The following IL1RAPL1 variants were observed in gnomAD, a reference collection of about 807,000 sequenced individuals.
IL1RAPL1 encodes interleukin-1 receptor accessory protein-like 1.
IL1RAPL1 carries 3 observed loss-of-function variants against 48.4 expected under a neutral mutation model. The ratio of observed to expected loss-of-function variants is 0.06; its 90% confidence interval spans 0.03 to 0.16. The LOEUF is 0.16. Among genes scored for constraint, IL1RAPL1 ranks in the 10% least tolerant of loss-of-function variants. The probability of loss-of-function intolerance (pLI) is 1.00; values close to 1 mark genes in which losing one functional copy is unlikely to be tolerated. For missense variants in IL1RAPL1, 349 were observed against 530.6 expected (o/e 0.66, Z 3.36); for synonymous variants, 185 against 187.7 (o/e 0.99, Z 0.12).
At chrX:29,925,536 ATTAT>A (rs1932883013) in intron 8 of IL1RAPL1, among the ~76,000 whole-genome samples, 1 of 96,701 alleles carries the variant, frequency 1.0e-5, no homozygotes, top group Non-Finnish European at 2.0e-5. Flanking sequence ...CACTTCTTTT[ATTAT>A]TTATGTTTAT....
chrX:29,510,063 G>A (rs1278115670), intron 5 of IL1RAPL1, among the ~76,000 whole-genome samples: 1 of 112,387 alleles, frequency 8.9e-6, no homozygotes, highest in African/African-American at 3.2e-5. Context: ...AATCTGTAAA[G>A]TATTGCATTT....
chrX:29,762,428 A>G (rs1928774328), intron 6 of IL1RAPL1, among the ~76,000 whole-genome samples: 1 of 112,213 alleles, frequency 8.9e-6, no homozygotes, highest in Non-Finnish European at 1.9e-5. Context: ...TTTAGAAGCC[A>G]AACTGCTGAG....
intron 2 of IL1RAPL1, among the ~76,000 whole-genome samples, chrX:28,933,261 TG>T (rs1923932433): frequency 9.0e-6 from 1 of 111,196 alleles, no homozygotes; most frequent in African/African-American, 3.3e-5. Flanking sequence ...GGGTAGACCT[TG>T]GAGGAGCAAG....
At chrX:28,649,890 T>A (rs1934663381) in intron 1 of IL1RAPL1, among the ~76,000 whole-genome samples, 1 of 111,830 alleles carries the variant, frequency 8.9e-6, no homozygotes, top group Admixed American at 9.5e-5. Context: ...AATGTCCCCC[T>A]AGTTGGTGAA....
At chrX:29,091,278 C>A (rs1026101037) in intron 2 of IL1RAPL1, among the ~76,000 whole-genome samples, 2 of 111,999 alleles carry the variant, frequency 1.8e-5, no homozygotes, top group Non-Finnish European at 3.8e-5. Context: ...CATACTGATA[C>A]AGTAGCTGGG....
At chrX:28,604,449 C>T (rs1489590574) in intron 1 of IL1RAPL1, among the ~76,000 whole-genome samples, 1 of 111,408 alleles carries the variant, frequency 9.0e-6, no homozygotes, top group Non-Finnish European at 1.9e-5. Context: ...TATTTGTAGG[C>T]CAGGTGTGGT....
At chrX:29,932,488 A>G (rs139570302) in intron 8 of IL1RAPL1, among the ~76,000 whole-genome samples, 1,751 of 112,128 alleles carry the variant, frequency 0.016, 38 homozygotes, top group African/African-American at 0.054. Context: ...TAGCTGAGAA[A>G]TCAAAGCATG....
chrX:29,073,579 G>T (rs973493294), intron 2 of IL1RAPL1, among the ~76,000 whole-genome samples: 1 of 110,025 alleles, frequency 9.1e-6, no homozygotes. Flanking sequence ...TTCCTTCCTC[G>T]TTTCTTTATC....
chrX:29,452,154 CATAA>C (rs2147727374), intron 5 of IL1RAPL1, among the ~76,000 whole-genome samples: 1 of 111,995 alleles, frequency 8.9e-6, no homozygotes, highest in South Asian at 3.7e-4. Flanking sequence ...GTAAAGCTAT[CATAA>C]ATAAAGCAGA....
chrX:29,460,909 A>C (rs1172621086), intron 5 of IL1RAPL1, among the ~76,000 whole-genome samples: 2 of 111,861 alleles, frequency 1.8e-5, no homozygotes, highest in African/African-American at 6.5e-5. Context: ...AAAAAGCATG[A>C]ACAAGATAAT....
intron 6 of IL1RAPL1, among the ~76,000 whole-genome samples, chrX:29,863,265 T>G (rs772999839): frequency 9.8e-5 from 11 of 112,322 alleles, no homozygotes; most frequent in Non-Finnish European, 1.9e-4. Flanking sequence ...ATGGAATAGC[T>G]GACACAATGC....
At chrX:29,205,974 C>T (rs768552176) in intron 2 of IL1RAPL1, among the ~76,000 whole-genome samples, 1 of 109,667 alleles carries the variant, frequency 9.1e-6, no homozygotes, top group South Asian at 3.9e-4. Context: ...TTCCTGACCT[C>T]GTGATCTACC....
intron 5 of IL1RAPL1, among the ~76,000 whole-genome samples, chrX:29,654,013 A>C (rs1396531824): frequency 1.8e-5 from 2 of 108,976 alleles, no homozygotes; most frequent in Non-Finnish European, 3.8e-5. Flanking sequence ...ACTTCTTGGT[A>C]AGAAAGGAAG....
intron 6 of IL1RAPL1, among the ~76,000 whole-genome samples, chrX:29,745,692 C>T (rs1928321333): frequency 9.1e-6 from 1 of 109,781 alleles, no homozygotes; most frequent in Admixed American, 9.8e-5. Context: ...GGTGATCCAC[C>T]CACCTCGGCC....
At chrX:29,877,592 A>G (rs1931934829) in intron 6 of IL1RAPL1, among the ~76,000 whole-genome samples, 1 of 112,016 alleles carries the variant, frequency 8.9e-6, no homozygotes, top group Non-Finnish European at 1.9e-5. Context: ...TCAGTATATA[A>G]TCACTAAGAA....
intron 5 of IL1RAPL1, among the ~76,000 whole-genome samples, chrX:29,421,971 A>G (rs1440218698): frequency 8.9e-6 from 1 of 111,828 alleles, no homozygotes; most frequent in African/African-American, 3.3e-5. Context: ...TTAATTGGAA[A>G]AAAGACATAT....
intron 2 of IL1RAPL1, among the ~76,000 whole-genome samples, chrX:29,115,093 A>AT (rs1928652580): frequency 8.9e-6 from 1 of 111,913 alleles, no homozygotes; most frequent in African/African-American, 3.2e-5. Flanking sequence ...CCCATGAATT[A>AT]TTTGGAACTG....
intron 2 of IL1RAPL1, among the ~76,000 whole-genome samples, chrX:29,279,124 T>C (rs1051647685): frequency 1.8e-5 from 2 of 112,314 alleles, no homozygotes; most frequent in African/African-American, 6.5e-5. Context: ...AAGAGAGACA[T>C]AGGTCCATCA....
chrX:29,078,788 G>A (rs774999919), intron 2 of IL1RAPL1, among the ~76,000 whole-genome samples: 148 of 111,470 alleles, frequency 1.3e-3, no homozygotes, highest in African/African-American at 4.7e-3. Context: ...ATTCCTTGGA[G>A]ATATTGTGGT....
Sources: allele counts gnomAD v4.1 joint callset (sites outside exome capture counted in the v4.1 genomes callset), GRCh38; gene constraint gnomAD v4.1.1; transcripts MANE v1.5; gene names NCBI Gene and HGNC (gene_info 2026-07-23, HGNC 2026-07-21).